The following PPT1 variants were observed in gnomAD, a reference collection of about 807,000 sequenced individuals.
PPT1 encodes the protein ceroid-palmitoyl-palmitoyl-protein thioesterase 1.
In PPT1, 24 loss-of-function variants were observed where a neutral mutation model predicts 44.0. The observed-to-expected ratio is 0.54, with a 90% CI of 0.39 to 0.77. The LOEUF (loss-of-function observed/expected upper bound fraction) is 0.77. PPT1 is among the 30% of genes least tolerant of loss of function. The pLI is 0.00. For synonymous variants in PPT1, 148 were observed against 140.2 expected (o/e 1.06, Z -0.39); for missense variants, 341 against 378.8 (o/e 0.90, Z 0.83).
Position 40,078,677 on chromosome 1 carries a change from A to T in PPT1, c.628-19T>A. 1.3e-6 allele frequency: 2 copies of T among 1,589,226 alleles called. No homozygotes were observed. Among genetic ancestry groups the T allele is most frequent in the Non-Finnish European group, 8.6e-7 (1 of 1,157,686 alleles). Reference sequence around the variant, plus strand: ...TGATACCCTGAAAGAAAGGCCAGCAACACCTAAGGTCATTACCATCAGACA... The same window carrying T: ...TGATACCCTGAAAGAAAGGCCAGCATCACCTAAGGTCATTACCATCAGACA... On this transcript the variant is annotated intron_variant, in intron 6 of 8. Transcript: ENST00000642050.
rs1648365996 is a variant in PPT1 at position 40,073,248 on chromosome 1, A to AGTT, written c.*810_*812dup. 1 of 152,240 alleles carries AGTT rather than the reference A, an allele frequency of 6.6e-6. No individual in the cohort carries two copies. Among genetic ancestry groups the AGTT allele is most frequent in the Non-Finnish European group, 1.5e-5 (1 of 68,064 alleles). 9.4% of individuals were successfully genotyped at this position (152,240 alleles called of 1,614,324 possible). A position where few individuals can be genotyped will look rare whatever the true frequency, so the allele number is the denominator to read the frequency against. The stretch of plus-strand genomic sequence containing the variant: ...CTCTGCTAAAGCCAGCAACAGAGTA[A>AGTT]GTTGACTCTAGCATCAAGACCACTA... On this transcript the variant is annotated 3_prime_UTR_variant, in exon 9 of 9. Transcript: ENST00000642050.
chr1:40,085,383 G>T (rs753299584), intron 5 of PPT1, among the ~76,000 whole-genome samples: 2 of 151,966 alleles, frequency 1.3e-5, no homozygotes, highest in African/African-American at 2.4e-5. Context: ...TGCCCCCCTT[G>T]TCTTGTATCC....
chr1:40,096,239 T>C (rs6600312), intron 1 of PPT1, among the ~76,000 whole-genome samples: 88,677 of 152,098 alleles, frequency 0.58, 26,987 homozygotes, highest in Non-Finnish European at 0.67. Context: ...TATTTTTCTC[T>C]GTTGCACATA....
At chr1:40,075,674 A>T (rs1648579502) in intron 8 of PPT1, among the ~76,000 whole-genome samples, 1 of 151,728 alleles carries the variant, frequency 6.6e-6, no homozygotes, top group South Asian at 2.1e-4. Flanking sequence ...CCAATATAAA[A>T]TCCTTAGGGC....
chr1:40,092,132 A>C lies in PPT1; in HGVS notation c.275T>G (p.Val92Gly), dbSNP rs1649599030. ...NSFFLNVNSQ[V>G]TTVCQALAKD... ...AGCAAGTGCCTGACACACTGTTGTT[A>C]CTTGGGAATTGACATTCAAGAAGAA... Residue 92 changes from valine to glycine, a missense_variant, in exon 3 of 9, where the codon GTA becomes GGA. By Grantham distance (109) the Val-to-Gly change is moderately radical. Transcript: ENST00000642050. 1 of 1,614,106 alleles carries C rather than the reference A, an allele frequency of 6.2e-7. No individual in the cohort carries two copies. The highest frequency in any genetic ancestry group is 8.5e-7 in the Non-Finnish European group (1 of 1,179,924).
rs7550678 is a variant in PPT1, at chr1:40,087,698, T to C, written c.536+1712A>G. 4.7e-3 allele frequency among the ~76,000 whole-genome samples: 718 copies of C among 151,642 alleles called. 6 individuals are homozygous for C. The highest frequency in any genetic ancestry group is 0.016 in the African/African-American group (681 of 41,336). ...ACTGGGCAAGAGTGAGAATAAAGAGTAAAGGAAGAAGAATGAAGTTTAAAT... is the reference window on the plus strand; with the variant it reads ...ACTGGGCAAGAGTGAGAATAAAGAGCAAAGGAAGAAGAATGAAGTTTAAAT... On this transcript the variant is annotated intron_variant, in intron 5 of 8. Coordinates refer to ENST00000642050, the MANE Select transcript of PPT1 (RefSeq NM_000310.4).
At chr1:40,089,869 C>T (rs1347252846) in intron 4 of PPT1, among the ~76,000 whole-genome samples, 4 of 151,998 alleles carry the variant, frequency 2.6e-5, no homozygotes, top group Non-Finnish European at 5.9e-5. Flanking sequence ...ATACTTCATC[C>T]TTAGCATCCT....
At chr1:40,080,023 C>G (rs1244975012) in intron 6 of PPT1, among the ~76,000 whole-genome samples, 1 of 152,168 alleles carries the variant, frequency 6.6e-6, no homozygotes, top group East Asian at 1.9e-4. Flanking sequence ...GGGACATACT[C>G]AGTGCCTACT....
chr1:40,081,673 C>T (rs1274844067), intron 5 of PPT1, among the ~76,000 whole-genome samples: 3 of 152,204 alleles, frequency 2.0e-5, no homozygotes, highest in African/African-American at 7.2e-5. Context: ...GAGGCTTCCC[C>T]AGCCACATGG....
At chr1:40,071,872 C>G, downstream of PPT1, 4 of 442,008 alleles carry the variant, frequency 9.0e-6, no homozygotes. Context: ...GGAAAGAAAA[C>G]AGTCCCTGGA....
At chr1:40,076,702 G>A in intron 8 of PPT1, 140 bp downstream of exon 8, 1 of 1,551,002 alleles carries the variant, frequency 6.4e-7, no homozygotes, top group Non-Finnish European at 8.7e-7. Flanking sequence ...CACCCATATT[G>A]GACATGAGTC....
rs1649584249 is a variant in PPT1, at chr1:40,091,894, A to G, written c.362+151T>C. The G allele has an allele frequency of 2.0e-5, 20 of 979,902 alleles. No homozygotes were observed. In the East Asian group the frequency reaches 5.3e-4, roughly 26 times the overall value. The allele number at this position is 979,902 out of a possible 1,614,324, so 60.7% of individuals were successfully genotyped here. ...AAAAAAAAAAAAAGAAAAGAAATTA[A>G]GTTCCATAAAGCTTCTTACACAGGA... On this transcript the variant is annotated intron_variant, in intron 3 of 8. Transcript: ENST00000642050.
Position 40,089,802 on chromosome 1 carries a change from A to C in PPT1, c.434-290T>G, listed in dbSNP as rs114162312. The stretch of plus-strand genomic sequence containing the variant: ...CAGGTCTTGGTCCTACACAAGTCAC[A>C]TCTGACCACCTTATCTCAAATAGTA... On this transcript the variant is annotated intron_variant, in intron 4 of 8. Coordinates refer to ENST00000642050, the MANE Select transcript of PPT1 (RefSeq NM_000310.4). Among the ~76,000 whole-genome samples, 1,106 of 152,268 alleles carry C rather than the reference A, an allele frequency of 7.3e-3. 6 individuals carry two copies. The highest frequency in any genetic ancestry group is 0.014 in the Non-Finnish European group (923 of 68,012).
At position 40,080,481 on chromosome 1, in the gene PPT1, C is replaced by T. The variant is rs374121503; in HGVS notation, c.543G>A (p.Val181=). 5.1e-5 allele frequency: 82 copies of T among 1,613,572 alleles called. 1 individual carries two copies. In the Middle Eastern group the frequency reaches 1.2e-3, roughly 23 times the overall value. ...TGGGGTCATGCCAGTATTCGGCTTG[C>T]ACGAGGCTGTAGGAAAAAAAAAGAA... The part of the protein sequence containing the change: ...AYSKVVQERL[V]QAEYWHDPIK... Residue 181 remains valine (V), a synonymous_variant, in exon 6 of 9, where the codon GTG becomes GTA. Coordinates refer to ENST00000642050, the MANE Select transcript of PPT1 (RefSeq NM_000310.4).
Position 40,078,544 on chromosome 1 carries a change from C to CT in PPT1, c.726+15dup. On this transcript the variant is annotated intron_variant, in intron 7 of 8. Coordinates refer to ENST00000642050, the MANE Select transcript of PPT1 (RefSeq NM_000310.4). Reference sequence around the variant, plus strand: ...GCCATTTACTCTCCTGGCATGTGGCCTAAGTAGTGTCTCACCTCCGAATCT... The same window carrying CT: ...GCCATTTACTCTCCTGGCATGTGGCCTTAAGTAGTGTCTCACCTCCGAATCT... 1 of 1,608,956 alleles carries CT rather than the reference C, an allele frequency of 6.2e-7. No homozygotes were observed. The highest frequency in any genetic ancestry group is 8.5e-7 in the Non-Finnish European group (1 of 1,175,526).
intron 8 of PPT1, among the ~76,000 whole-genome samples, chr1:40,075,821 C>T (rs1648588413): frequency 6.6e-6 from 1 of 151,360 alleles, no homozygotes; most frequent in Non-Finnish European, 1.5e-5. Context: ...AAGTATTAGG[C>T]ATGGTGGCGT....
chr1:40,088,204 C>A (rs1246321575), intron 5 of PPT1, among the ~76,000 whole-genome samples: 1 of 149,376 alleles, frequency 6.7e-6, no homozygotes, highest in Non-Finnish European at 1.5e-5. Context: ...AGTGCAGTGG[C>A]GCAATCTCGG....
At chr1:40,085,942 C>T (rs1649234332) in intron 5 of PPT1, among the ~76,000 whole-genome samples, 1 of 152,142 alleles carries the variant, frequency 6.6e-6, no homozygotes, top group Admixed American at 6.5e-5. Context: ...CTGAGAGAGC[C>T]TGAGTAGATG....
intron 1 of PPT1, chr1:40,093,948 T>C (rs1291038583): frequency 1.4e-6 from 1 of 714,760 alleles, no homozygotes; most frequent in South Asian, 1.5e-5. Context: ...ATCCCAGCGC[T>C]TTGGTAAGAC....
Sources: gnomAD v4.1 joint callset for allele counts (sites outside exome capture counted in the v4.1 genomes callset) on GRCh38, gnomAD v4.1.1 for gene constraint, MANE v1.5 for transcripts, NCBI Gene and HGNC (gene_info 2026-07-23, HGNC 2026-07-21) for gene names.